The following LDB2 variants were observed in gnomAD, a reference collection of about 807,000 sequenced individuals.
The protein encoded by LDB2 is LIM domain binding 2.
Under a neutral mutation model 44.3 loss-of-function variants are expected in LDB2, and 12 were observed. The observed-to-expected ratio is 0.27, with a 90% CI of 0.17 to 0.44. The LOEUF (loss-of-function observed/expected upper bound fraction) is 0.44. LDB2 is among the 20% of genes least tolerant of loss of function. The pLI, the probability that LDB2 is intolerant of heterozygous loss-of-function variation, is 1.00. For missense variants in LDB2, 344 were observed against 473.5 expected (o/e 0.73, Z 2.54); for synonymous variants, 164 against 174.8 (o/e 0.94, Z 0.49).
At chr4:16,608,206 C>A (rs75347600) in intron 2 of LDB2, among the ~76,000 whole-genome samples, 1,765 of 67,612 alleles carry the variant, frequency 0.026, 37 homozygotes, top group African/African-American at 0.055. Context: ...CACACTTCTT[C>A]AAAAAAAAAA....
At chr4:16,826,637 T>C (rs919190684) in intron 1 of LDB2, 1 of 152,224 alleles carries the variant, frequency 6.6e-6, no homozygotes, top group Non-Finnish European at 1.5e-5. Context: ...GACAGAGTTC[T>C]TCAACAAGCG....
At chr4:16,649,520 GCATTATTTTACTCTTTCTC>G (rs1409958519) in intron 2 of LDB2, among the ~76,000 whole-genome samples, 1 of 152,128 alleles carries the variant, frequency 6.6e-6, no homozygotes, top group Non-Finnish European at 1.5e-5. Context: ...TACACAGAGG[GCATTATTTTACTCTTTCTC>G]CATTACATAT....
intron 2 of LDB2, among the ~76,000 whole-genome samples, chr4:16,600,365 A>C (rs1722254268): frequency 6.6e-6 from 1 of 152,222 alleles, no homozygotes; most frequent in Non-Finnish European, 1.5e-5. Flanking sequence ...GATTAAGATT[A>C]TAGTAGATTA....
chr4:16,815,657 T>A (rs11728466), intron 1 of LDB2, among the ~76,000 whole-genome samples: 135,758 of 152,176 alleles, frequency 0.89, 61,919 homozygotes, highest in South Asian at 0.98. Flanking sequence ...AGACAAAGTC[T>A]CTGAATTAGG....
intron 2 of LDB2, among the ~76,000 whole-genome samples, chr4:16,628,747 C>T (rs1470981117): frequency 2.0e-5 from 3 of 152,038 alleles, no homozygotes; most frequent in African/African-American, 7.2e-5. Flanking sequence ...CTCACTGGGA[C>T]TGGTTGGACA....
At chr4:16,511,052 T>G (rs911200272) in intron 6 of LDB2, among the ~76,000 whole-genome samples, 6 of 152,216 alleles carry the variant, frequency 3.9e-5, no homozygotes, top group East Asian at 1.9e-4. Flanking sequence ...GATGTAACTA[T>G]TCTACATAAA....
At chr4:16,568,277 C>T (rs536737077) in intron 5 of LDB2, among the ~76,000 whole-genome samples, 8 of 152,284 alleles carry the variant, frequency 5.3e-5, no homozygotes, top group Non-Finnish European at 7.4e-5. Flanking sequence ...AATGGGTATA[C>T]TGGGCTGTAT....
intron 2 of LDB2, among the ~76,000 whole-genome samples, chr4:16,628,798 G>T (rs57438869): frequency 5.3e-5 from 8 of 152,258 alleles, no homozygotes; most frequent in African/African-American, 1.9e-4. Flanking sequence ...GAAGGGTGGG[G>T]TGTCACCTCA....
chr4:16,679,544 A>G (rs772876399), intron 2 of LDB2, among the ~76,000 whole-genome samples: 2 of 152,170 alleles, frequency 1.3e-5, no homozygotes, highest in African/African-American at 2.4e-5. Flanking sequence ...AATGAGGCAA[A>G]GTTAAGTGAC....
intron 5 of LDB2, among the ~76,000 whole-genome samples, chr4:16,568,118 A>G (rs1745202413): frequency 1.3e-5 from 2 of 152,212 alleles, no homozygotes; most frequent in African/African-American, 4.8e-5. Context: ...CAGCAATTCC[A>G]TATAATTCAA....
chr4:16,672,945 T>C (rs1434098404), intron 2 of LDB2, among the ~76,000 whole-genome samples: 2 of 150,966 alleles, frequency 1.3e-5, no homozygotes, highest in Non-Finnish European at 3.0e-5. Context: ...CTCTCCCTCC[T>C]TCTCTCTTTT....
intron 6 of LDB2, 33 bp downstream of exon 6, chr4:16,511,948 T>C: frequency 6.3e-7 from 1 of 1,595,102 alleles, no homozygotes; most frequent in Non-Finnish European, 8.5e-7. Context: ...TCTGAAAACG[T>C]GTTTAGAGAG....
intron 2 of LDB2, among the ~76,000 whole-genome samples, chr4:16,708,309 C>T (rs1755073914): frequency 6.6e-6 from 1 of 152,066 alleles, no homozygotes; most frequent in Non-Finnish European, 1.5e-5. Flanking sequence ...GAGCGAGACC[C>T]TGTCTTAAAA....
chr4:16,799,406 C>T (rs944136608), intron 1 of LDB2, among the ~76,000 whole-genome samples: 2 of 152,176 alleles, frequency 1.3e-5, no homozygotes, highest in African/African-American at 4.8e-5. Context: ...GAGTCACTCA[C>T]GGGATATAAG....
chr4:16,805,743 A>G (rs1267405641), intron 1 of LDB2, among the ~76,000 whole-genome samples: 1 of 152,240 alleles, frequency 6.6e-6, no homozygotes, highest in East Asian at 1.9e-4. Flanking sequence ...CTCTGACTGC[A>G]TGTAGAATCA....
Position 16,551,524 on chromosome 4 carries a change from T to A in LDB2, c.615+34398A>T, listed in dbSNP as rs187052353. On this transcript the variant is annotated intron_variant, in intron 5 of 7. Transcript: ENST00000304523. ...ATTTATTTTTATTTTTATTTTTTATTTATTTATTTTTGAGACGGAGTCTCA... is the reference window on the plus strand; with the variant it reads ...ATTTATTTTTATTTTTATTTTTTATATATTTATTTTTGAGACGGAGTCTCA... Among the ~76,000 whole-genome samples the A allele has an allele frequency of 9.7e-3, 1,473 of 152,196 alleles. 21 individuals carry two copies. The highest frequency in any genetic ancestry group is 0.034 in the African/African-American group (1,398 of 41,540).
rs1730768135 is a variant in LDB2 at position 16,533,400 on chromosome 4, C to T, written c.616-21296G>A. On this transcript the variant is annotated intron_variant, in intron 5 of 7. Coordinates refer to ENST00000304523, the MANE Select transcript of LDB2 (RefSeq NM_001290.5). The surrounding 1 kb of genome is among the most constrained non-coding windows in gnomAD (Gnocchi z 4.1). ...GATCTGAGGATACAAAGCAAAATCA[C>T]ATCTGCAAGTATCTACACATACAAG... Among the ~76,000 whole-genome samples, 1 of 152,202 alleles carries T rather than the reference C, an allele frequency of 6.6e-6. No homozygotes were observed. Among genetic ancestry groups the T allele is most frequent in the Non-Finnish European group, 1.5e-5 (1 of 68,034 alleles).
chr4:16,565,504 T>A (rs777386037), intron 5 of LDB2, among the ~76,000 whole-genome samples: 5 of 152,074 alleles, frequency 3.3e-5, no homozygotes, highest in African/African-American at 4.8e-5. Flanking sequence ...ATGAGAAATA[T>A]GTCTATCTCA....
chr4:16,894,436 AAAAATTTATTTCCCAG>A (rs1182456505), intron 1 of LDB2, among the ~76,000 whole-genome samples: 1 of 152,178 alleles, frequency 6.6e-6, no homozygotes, highest in African/African-American at 2.4e-5. Context: ...ATGTTGAAAA[AAAAATTTATTTCCCAG>A]AACAGCTAGC....
Sources: allele counts gnomAD v4.1 joint callset (sites outside exome capture counted in the v4.1 genomes callset), GRCh38; gene constraint gnomAD v4.1.1; non-coding constraint Gnocchi (gnomAD v3.1); transcripts MANE v1.5; gene names NCBI Gene and HGNC (gene_info 2026-07-23, HGNC 2026-07-21).